SUGP2: variants seen among roughly 807,000 people sequenced by gnomAD.
SUGP2 encodes the protein SURP and G-patch domain-containing protein 2.
A neutral mutation model predicts 90.5 loss-of-function variants in SUGP2; 24 were observed. The ratio of observed to expected loss-of-function variants is 0.27; its 90% CI spans 0.19 to 0.37. SUGP2 has a LOEUF of 0.37. Among genes scored for constraint, SUGP2 ranks in the 10% least tolerant of loss-of-function variants. The probability of loss-of-function intolerance (pLI) is 1.00; values close to 1 mark genes in which losing one functional copy is unlikely to be tolerated. For missense variants in SUGP2, 1,233 were observed against 1,363.3 expected, an observed-to-expected ratio of 0.90 and a Z score of 1.51; for synonymous variants, 473 against 513.4, an observed-to-expected ratio of 0.92 and a Z score of 1.06.
chr19:19,027,885 C>T (rs1434604822), intron 2 of SUGP2, among the ~76,000 whole-genome samples: 2 of 152,216 alleles, frequency 1.3e-5, no homozygotes, highest in Admixed American at 1.3e-4. Flanking sequence ...ATCCGCCCAC[C>T]TCGGCCTCCC....
At chr19:19,008,853 T>C (rs1024092194) in intron 5 of SUGP2, among the ~76,000 whole-genome samples, 17 of 152,160 alleles carry the variant, frequency 1.1e-4, no homozygotes, top group African/African-American at 3.4e-4. Context: ...ATGTGTGGGC[T>C]AGCTCAGCAG....
intron 2 of SUGP2, among the ~76,000 whole-genome samples, chr19:19,028,713 T>C (rs2059027202): frequency 6.6e-6 from 1 of 152,212 alleles, no homozygotes; most frequent in Admixed American, 6.5e-5. Context: ...TGTCTTTTTT[T>C]TTTGAGACGG....
At chr19:18,994,547 C>T (rs868008853) in intron 9 of SUGP2, 61 bp from the exon 10 acceptor site, 2 of 1,597,018 alleles carry the variant, frequency 1.3e-6, no homozygotes, top group Middle Eastern at 3.4e-4. Flanking sequence ...ATGCCAGGAA[C>T]TGGGCATGGG....
chr19:19,027,064 G>C (rs549744868), intron 2 of SUGP2, among the ~76,000 whole-genome samples: 40 of 152,254 alleles, frequency 2.6e-4, no homozygotes, highest in Non-Finnish European at 5.3e-4. Context: ...AGGATCACTT[G>C]AGCCCAGGAG....
At chr19:19,028,725 G>A in intron 2 of SUGP2, among the ~76,000 whole-genome samples, 1 of 152,148 alleles carries the variant, frequency 6.6e-6, no homozygotes, top group South Asian at 2.1e-4. Context: ...TTGAGACGGA[G>A]TCTCGTTCTG....
intron 8 of SUGP2, 41 bp downstream of exon 8, chr19:19,001,572 C>G (rs761597296): frequency 1.2e-6 from 2 of 1,600,736 alleles, no homozygotes; most frequent in Non-Finnish European, 1.7e-6. Flanking sequence ...AAATTCTAAC[C>G]AACTATACTT....
rs550231349 is a variant in SUGP2 at position 19,029,863 on chromosome 19, A to G, written c.121+1088T>C. On this transcript the variant is annotated intron_variant, in intron 2 of 10. Coordinates refer to ENST00000452918, the MANE Select transcript of SUGP2 (RefSeq NM_001017392.5). ...GAGGCTGAGGCAGGAGAATCGCTTG[A>G]ATCCAGGAGGCACAGGCCGCAGTGA... Among the ~76,000 whole-genome samples, 165 of 152,162 alleles carry G rather than the reference A, an allele frequency of 1.1e-3. No homozygotes were observed. The South Asian group carries it at 0.013, about 12-fold the overall frequency.
Position 19,004,329 on chromosome 19 carries a change from C to T in SUGP2, c.2768G>A (p.Gly923Asp). Reference sequence around the variant, plus strand: ...GTCCTCGGCAGCCTCGCCGGGAAGGCCGTCGGCAGGGGTGCTGCCCTCAGA... The same window carrying T: ...GTCCTCGGCAGCCTCGCCGGGAAGGTCGTCGGCAGGGGTGCTGCCCTCAGA... ...GKSEGSTPAD[G>D]LPGEAAEDDL... Residue 923 changes from glycine (G) to aspartate (D), a missense_variant, in exon 7 of 11, where the codon GGC becomes GAC. By Grantham distance (94) the Gly-to-Asp change is moderately conservative (BLOSUM62 -1). Around this residue, in one of 8 missense-constraint regions of SUGP2, gnomAD observed 540 missense variants for 542.6 expected, o/e 1.00. Transcript: ENST00000452918. 6.2e-7 allele frequency: 1 copy of T among 1,613,310 alleles called. No individual in the cohort carries two copies. Among genetic ancestry groups the T allele is most frequent in the Non-Finnish European group, 8.5e-7 (1 of 1,179,502 alleles).
intron 5 of SUGP2, among the ~76,000 whole-genome samples, chr19:19,009,355 C>G (rs959176537): frequency 9.2e-5 from 14 of 152,242 alleles, no homozygotes; most frequent in African/African-American, 2.9e-4. Flanking sequence ...GCCTGTGGTA[C>G]AGAGAGAAAG....
In SUGP2 at chr19:19,008,298, G is replaced by A. The variant is rs775248038; in HGVS notation, c.2450+19C>T. The A allele has an allele frequency of 6.3e-7, 1 of 1,583,514 alleles. No individual in the cohort carries two copies. On this transcript the variant is annotated intron_variant, in intron 6 of 10. Coordinates refer to ENST00000452918, the MANE Select transcript of SUGP2 (RefSeq NM_001017392.5). ...TCTGAGAAAGAAAAAGGTGTGATGA[G>A]ACCCGGGGGGGTACGTACCACAGGT...
At chr19:19,022,927 G>A (rs1270328616) in intron 3 of SUGP2, among the ~76,000 whole-genome samples, 1 of 152,170 alleles carries the variant, frequency 6.6e-6, no homozygotes, top group African/African-American at 2.4e-5. Context: ...CGTGGGAAAA[G>A]TGCTTTCTCC....
At chr19:19,029,380 C>T (rs569983815) in intron 2 of SUGP2, among the ~76,000 whole-genome samples, 78 of 151,258 alleles carry the variant, frequency 5.2e-4, no homozygotes, top group Middle Eastern at 3.5e-3. Flanking sequence ...GTGATCCGCC[C>T]GCCTCGGCCT....
At chr19:19,015,157 C>G (rs992041344) in intron 4 of SUGP2, among the ~76,000 whole-genome samples, 21 of 151,644 alleles carry the variant, frequency 1.4e-4, no homozygotes, top group Admixed American at 5.9e-4. Flanking sequence ...AGCCAAGATC[C>G]CGCCACTGCA....
intron 9 of SUGP2, 93 bp from the exon 10 acceptor site, chr19:18,994,579 AG>A: frequency 6.6e-7 from 1 of 1,513,082 alleles, no homozygotes; most frequent in Non-Finnish European, 8.9e-7. Context: ...CATGAGATGC[AG>A]GTGTTTGGGA....
rs1288057262 is a variant in SUGP2 at position 18,997,575 on chromosome 19, G to A, written c.2992-2295C>T. Among the ~76,000 whole-genome samples, 5 of 152,136 alleles carry A rather than the reference G, an allele frequency of 3.3e-5. No individual in the cohort carries two copies. The East Asian group carries it at 9.7e-4, about 29-fold the overall frequency. On this transcript the variant is annotated intron_variant, in intron 8 of 10. Transcript: ENST00000452918. Reference sequence around the variant, plus strand: ...CAAGGTGCGTGGATCACGATGTCAGGAGTTTGAGACCAGCCTGACCAACAT... The same window carrying A: ...CAAGGTGCGTGGATCACGATGTCAGAAGTTTGAGACCAGCCTGACCAACAT...
At chr19:19,012,459 C>T (rs1202429077) in intron 4 of SUGP2, among the ~76,000 whole-genome samples, 2 of 152,186 alleles carry the variant, frequency 1.3e-5, no homozygotes, top group Non-Finnish European at 2.9e-5. Flanking sequence ...AATGCATCTC[C>T]CAAGTTCCAG....
In SUGP2 at chr19:19,021,670, AT is replaced by A. The variant is rs777104794; in HGVS notation, c.1730-2442del. Among the ~76,000 whole-genome samples, 511 of 144,028 alleles carry A rather than the reference AT, an allele frequency of 3.5e-3. 2 individuals are homozygous for A. The highest frequency in any genetic ancestry group is 0.011 in the South Asian group (48 of 4,526). 94.5% of individuals were successfully genotyped at this position (144,028 alleles called of 152,430 possible). A position where few individuals can be genotyped will look rare whatever the true frequency, so the allele number is the denominator to read the frequency against. On this transcript the variant is annotated intron_variant, in intron 3 of 10. Transcript: ENST00000452918. ...ATTCAACCAAAGATGTCATTCCAGC[AT>A]TTTTTTTTTTTTTCTAGATGGACTT... is the stretch of plus-strand genomic sequence containing the variant.
Position 19,015,900 on chromosome 19 carries a change from C to T in SUGP2, c.1850+3209G>A, listed in dbSNP as rs116430632. 4.6e-3 allele frequency among the ~76,000 whole-genome samples: 705 copies of T among 152,314 alleles called. 11 individuals carry two copies. Among genetic ancestry groups the T allele is most frequent in the African/African-American group, 0.016 (666 of 41,568 alleles). On this transcript the variant is annotated intron_variant, in intron 4 of 10. Transcript: ENST00000452918. ...CAGGATCTATTCTATCAGCCAACCG[C>T]TGAGATTTTTATTTCAATCTATTTT...
Position 19,024,969 on chromosome 19 carries a change from C to CTGAGCCAAGA in SUGP2, c.1378_1379insTCTTGGCTCA (p.Ser460IlefsTer5). The CTGAGCCAAGA allele has an allele frequency of 6.2e-7, 1 of 1,614,188 alleles. No homozygotes were observed. The highest frequency in any genetic ancestry group is 8.5e-7 in the Non-Finnish European group (1 of 1,180,026). ...GGCAAGAGCCAAGTCCAGGGGGTTA[C>CTGAGCCAAGA]TGAGGGTCTTCATCTTGACACTTAG... On this transcript the variant is annotated frameshift_variant, in exon 3 of 11. Transcript: ENST00000452918. LOFTEE classifies it high-confidence loss of function.
Sources: gnomAD v4.1 joint callset for allele counts (sites outside exome capture counted in the v4.1 genomes callset) on GRCh38, gnomAD v4.1.1 for gene constraint, gnomAD v4.1.1 regional missense constraint, MANE v1.5 for transcripts, NCBI Gene and HGNC (gene_info 2026-07-23, HGNC 2026-07-21) for gene names.